ZXDC: variants seen among roughly 807,000 people sequenced by gnomAD.
The protein encoded by ZXDC is ZXD family zinc finger C.
Under a neutral mutation model 63.6 loss-of-function variants are expected in ZXDC, and 58 were observed. That is an observed-to-expected ratio of 0.91 (90% CI 0.74 to 1.13). The LOEUF (loss-of-function observed/expected upper bound fraction) is 1.13, where lower values mean the gene tolerates loss of function less well. Among genes scored for constraint, ZXDC ranks in the 50% most tolerant of loss-of-function variants. ZXDC has a pLI of 0.00. For missense variants in ZXDC, 1,133 were observed against 1,148.9 expected, an observed-to-expected ratio of 0.99 and a Z score of 0.20; for synonymous variants, 561 against 496.1, an observed-to-expected ratio of 1.13 and a Z score of -1.74.
At chr3:126,468,682 C>T (rs757885627) in intron 4 of ZXDC, among the ~76,000 whole-genome samples, 14 of 152,376 alleles carry the variant, frequency 9.2e-5, no homozygotes, top group Non-Finnish European at 1.9e-4. Context: ...ATCTCCCACT[C>T]AGGCCACCTC....
chr3:126,471,977 T>C lies in ZXDC; in HGVS notation c.1135A>G (p.Arg379Gly). 6.2e-7 allele frequency: 1 copy of C among 1,612,428 alleles called. No homozygotes were observed. The highest frequency in any genetic ancestry group is 8.5e-7 in the Non-Finnish European group (1 of 1,179,306). Residue 379 changes from arginine to glycine, a missense_variant, in exon 3 of 10, where the codon AGA becomes GGA. Arg to Gly is a moderately radical substitution (Grantham distance 125). Coordinates refer to ENST00000389709, the MANE Select transcript of ZXDC (RefSeq NM_025112.5). ...FTSMSKLLRH[R>G]RKHDDDRRFT... The stretch of plus-strand genomic sequence containing the variant: ...AAACCAAAATGTAAGGATTACCTTC[T>C]GTGCCTTAGAAGTTTGGACATGCTG...
intron 8 of ZXDC, chr3:126,440,546 C>T (rs952534533): frequency 5.9e-5 from 58 of 985,612 alleles, no homozygotes; most frequent in Non-Finnish European, 6.4e-5. Context: ...AGCTTCCCTA[C>T]CGTCTCCCTA....
At chr3:126,471,844 AATC>A (rs1232946124) in intron 3 of ZXDC, 126 bp downstream of exon 3, 4 of 724,588 alleles carry the variant, frequency 5.5e-6, no homozygotes, top group Non-Finnish European at 6.2e-6. Flanking sequence ...GAATTTTCCA[AATC>A]ATCAACACTG....
intron 6 of ZXDC, chr3:126,460,680 C>T (rs1205519118): frequency 2.0e-6 from 2 of 985,276 alleles, no homozygotes; most frequent in Non-Finnish European, 2.4e-6. Context: ...CATGGCTCTG[C>T]CACCGACAAG....
At chr3:126,465,923 AG>A (rs1204222801) in intron 5 of ZXDC, among the ~76,000 whole-genome samples, 1 of 152,148 alleles carries the variant, frequency 6.6e-6, no homozygotes, top group Non-Finnish European at 1.5e-5. Flanking sequence ...CACTCCAGTC[AG>A]GGTGACAGAG....
At chr3:126,440,959 C>G (rs919175101) in intron 8 of ZXDC, 28 of 985,554 alleles carry the variant, frequency 2.8e-5, no homozygotes, top group Non-Finnish European at 3.4e-5. Context: ...TCCGCACTTC[C>G]GTGGGGCCTG....
intron 7 of ZXDC, among the ~76,000 whole-genome samples, chr3:126,448,388 C>T (rs576625946): frequency 2.0e-5 from 3 of 152,280 alleles, no homozygotes; most frequent in East Asian, 3.9e-4. Context: ...TTGCAGCACA[C>T]AGACAAACCC....
At position 126,438,304 on chromosome 3, in the gene ZXDC, CTCATG is replaced by C; in HGVS notation, c.*66_*70del. The stretch of plus-strand genomic sequence containing the variant: ...GGAAACCAAATGAGGTCTCCCCAGG[CTCATG>C]TCATGAGTCTCAGGGAAGGTGTGTC... On this transcript the variant is annotated 3_prime_UTR_variant, in exon 10 of 10. Coordinates refer to ENST00000389709, the MANE Select transcript of ZXDC (RefSeq NM_025112.5). The C allele has an allele frequency of 7.4e-7, 1 of 1,351,342 alleles. No homozygotes were observed. Among genetic ancestry groups the C allele is most frequent in the Non-Finnish European group, 1.0e-6 (1 of 960,726 alleles). The allele number at this position is 1,351,342 out of a possible 1,614,324, so 83.7% of individuals were successfully genotyped here.
chr3:126,471,468 T>C (rs1934977833), intron 3 of ZXDC, among the ~76,000 whole-genome samples: 1 of 152,194 alleles, frequency 6.6e-6, no homozygotes, highest in Non-Finnish European at 1.5e-5. Flanking sequence ...CTAAGTGACA[T>C]TTTTATATTA....
intron 7 of ZXDC, among the ~76,000 whole-genome samples, chr3:126,447,694 T>G (rs1171747070): frequency 6.6e-6 from 1 of 152,198 alleles, no homozygotes; most frequent in Non-Finnish European, 1.5e-5. Flanking sequence ...GGTTCCTAGT[T>G]GATTCATATT....
In ZXDC at chr3:126,459,296, T is replaced by A. The variant is rs914593775; in HGVS notation, c.2212+357A>T. ...AGTGGCAGTCCCCAGGTCTCTGCCATGCCAAGATCAGGCCCCAAGGCCATT... is the reference window on the plus strand; with the variant it reads ...AGTGGCAGTCCCCAGGTCTCTGCCAAGCCAAGATCAGGCCCCAAGGCCATT... On this transcript the variant is annotated intron_variant, in intron 7 of 9. Coordinates refer to ENST00000389709, the MANE Select transcript of ZXDC (RefSeq NM_025112.5). The A allele has an allele frequency of 6.1e-6, 6 of 985,434 alleles. No homozygotes were observed. The African/African-American group carries it at 1.0e-4, about 17-fold the overall frequency. 61.0% of individuals were successfully genotyped at this position (985,434 alleles called of 1,614,324 possible).
chr3:126,474,817 TG>T, intron 1 of ZXDC, 141 bp downstream of exon 1: 1 of 1,009,810 alleles, frequency 9.9e-7, no homozygotes, highest in Non-Finnish European at 1.4e-6. Context: ...TCGAATGACA[TG>T]GAAGGAGCTA....
At chr3:126,473,973 T>A (rs910466959) in intron 1 of ZXDC, among the ~76,000 whole-genome samples, 22 of 152,148 alleles carry the variant, frequency 1.4e-4, no homozygotes, top group African/African-American at 4.6e-4. Context: ...CAGGGAAAGC[T>A]GCCCATCCTG....
At chr3:126,445,668 C>T (rs943942552) in intron 7 of ZXDC, among the ~76,000 whole-genome samples, 3 of 151,832 alleles carry the variant, frequency 2.0e-5, no homozygotes, top group East Asian at 3.9e-4. Flanking sequence ...TCAGAGAGTC[C>T]GTTCCAGCAA....
intron 8 of ZXDC, chr3:126,441,483 CTG>C: frequency 8.3e-7 from 1 of 1,206,090 alleles, no homozygotes; most frequent in Non-Finnish European, 1.0e-6. Flanking sequence ...GCGGGCTACT[CTG>C]GGGCTAGACG....
chr3:126,466,380 A>C, intron 4 of ZXDC, 55 bp from the exon 5 acceptor site: 2 of 1,606,126 alleles, frequency 1.2e-6, no homozygotes, highest in Non-Finnish European at 1.7e-6. Flanking sequence ...GGAACCAGGA[A>C]CAAGTGACAC....
intron 1 of ZXDC, among the ~76,000 whole-genome samples, chr3:126,474,109 G>A (rs1576696524): frequency 7.1e-6 from 1 of 140,990 alleles, no homozygotes; most frequent in African/African-American, 2.7e-5. Flanking sequence ...CTGTCGCCCC[G>A]GCTGGAATGC....
At chr3:126,470,460 T>C (rs1398534353) in intron 4 of ZXDC, among the ~76,000 whole-genome samples, 2 of 152,090 alleles carry the variant, frequency 1.3e-5, no homozygotes, top group Admixed American at 1.3e-4. Flanking sequence ...AGCAAGACTG[T>C]CTCAAAAATT....
chr3:126,449,187 G>A (rs1239332739), intron 7 of ZXDC, among the ~76,000 whole-genome samples: 1 of 152,242 alleles, frequency 6.6e-6, no homozygotes, highest in Non-Finnish European at 1.5e-5. Context: ...AGAAGAAGAT[G>A]TAATGAACAA....
Sources: allele counts gnomAD v4.1 joint callset (sites outside exome capture counted in the v4.1 genomes callset), GRCh38; gene constraint gnomAD v4.1.1; transcripts MANE v1.5; gene names NCBI Gene and HGNC (gene_info 2026-07-23, HGNC 2026-07-21).